Variants in ELAVL2 observed in about 807,000 individuals in gnomAD.
ELAVL2 encodes the protein ELAV like RNA binding protein 2, also known as ELAV-like protein 2.
Under a neutral mutation model 34.6 loss-of-function variants are expected in ELAVL2, and 4 were observed. That is an observed-to-expected ratio of 0.12 (90% CI 0.06 to 0.26). The LOEUF (loss-of-function observed/expected upper bound fraction) is 0.26, where lower values mean the gene tolerates loss of function less well. ELAVL2 is among the 10% of genes least tolerant of loss of function. The pLI is 1.00. For missense variants in ELAVL2, 432 were observed against 442.8 expected, an observed-to-expected ratio of 0.98 and a Z score of 0.22; for synonymous variants, 193 against 154.8, an observed-to-expected ratio of 1.25 and a Z score of -1.83.
chr9:23,779,124 A>C, intron 1 of ELAVL2: 1 of 927,876 alleles, frequency 1.1e-6, no homozygotes, highest in Non-Finnish European at 1.3e-6. Context: ...ATTAACATTA[A>C]ATTTCCAGGT....
At chr9:23,771,175 G>A (rs535109267) in intron 1 of ELAVL2, among the ~76,000 whole-genome samples, 6 of 152,324 alleles carry the variant, frequency 3.9e-5, no homozygotes, top group Admixed American at 1.3e-4. Context: ...CCACCAGGGT[G>A]AAGTTGGGGA....
intron 2 of ELAVL2, among the ~76,000 whole-genome samples, chr9:23,744,142 G>T (rs919987417): frequency 6.6e-6 from 1 of 152,108 alleles, no homozygotes; most frequent in Admixed American, 6.6e-5. Flanking sequence ...CTCATCTGTG[G>T]GAAAAGAAAC....
chr9:23,781,067 T>C (rs961731683), intron 1 of ELAVL2, among the ~76,000 whole-genome samples: 2 of 152,254 alleles, frequency 1.3e-5, no homozygotes, highest in African/African-American at 4.8e-5. Context: ...AAGTTTGTTA[T>C]GTTCATAACT....
In ELAVL2 at chr9:23,694,769, T is replaced by C. The variant is rs1262150338; in HGVS notation, c.714-1283A>G. Among the ~76,000 whole-genome samples the C allele has an allele frequency of 2.6e-5, 4 of 152,150 alleles. No homozygotes were observed. The East Asian group carries it at 7.7e-4, about 29-fold the overall frequency. On this transcript the variant is annotated intron_variant, in intron 5 of 6. Coordinates refer to ENST00000397312, the MANE Select transcript of ELAVL2 (RefSeq NM_004432.5). ...CTCAGTCTCCACTGAAAATTCTGTTTTGTAAAGATGAGAAGAACTGAGCTT... is the reference window on the plus strand; with the variant it reads ...CTCAGTCTCCACTGAAAATTCTGTTCTGTAAAGATGAGAAGAACTGAGCTT...
At chr9:23,731,252 T>C in intron 2 of ELAVL2, 127 bp from the exon 3 acceptor site, 1 of 668,104 alleles carries the variant, frequency 1.5e-6, no homozygotes, top group Non-Finnish European at 2.3e-6. Context: ...AAGAACTCTC[T>C]ATTAATTCTA....
rs1407168754 is a variant in ELAVL2, at chr9:23,691,456, G to C, written c.*1101C>G. On this transcript the variant is annotated 3_prime_UTR_variant, in exon 7 of 7. Coordinates refer to ENST00000397312, the MANE Select transcript of ELAVL2 (RefSeq NM_004432.5). ...ACAAAACAATTCTTCAAACAATACT[G>C]CAAGTACATCACTAAACACCATGAG... The C allele has an allele frequency of 1.3e-5, 2 of 152,328 alleles. No homozygotes were observed. Among genetic ancestry groups the C allele is most frequent in the East Asian group, 3.9e-4 (2 of 5,182 alleles). 9.4% of individuals were successfully genotyped at this position (152,328 alleles called of 1,614,324 possible).
At chr9:23,747,806 C>A (rs193208781) in intron 2 of ELAVL2, among the ~76,000 whole-genome samples, 1 of 152,130 alleles carries the variant, frequency 6.6e-6, no homozygotes, top group South Asian at 2.1e-4. Context: ...CAATAGCCAA[C>A]GTCTGAAAAT....
In ELAVL2 at chr9:23,701,390, T is replaced by C; in HGVS notation, c.702A>G (p.Ala234=). ...CAAACCAGACTTACCTAAAACGCTG[T>C]GCCTGCTGAGCTAGCGGTCCTGGAT... ...RRYPGPLAQQ[A]QRFRLDNLLN... Residue 234 remains alanine (A), a synonymous_variant, in exon 5 of 7, where the codon GCA becomes GCG. Transcript: ENST00000397312. 1 of 1,614,078 alleles carries C rather than the reference T, an allele frequency of 6.2e-7. No individual in the cohort carries two copies. The highest frequency in any genetic ancestry group is 1.3e-5 in the African/African-American group (1 of 75,046).
At chr9:23,747,634 C>G (rs1182544250) in intron 2 of ELAVL2, among the ~76,000 whole-genome samples, 2 of 152,130 alleles carry the variant, frequency 1.3e-5, no homozygotes, top group Non-Finnish European at 2.9e-5. Context: ...TTTGGAAACT[C>G]CCTACAAACA....
chr9:23,770,376 C>T (rs1394831102), intron 1 of ELAVL2, among the ~76,000 whole-genome samples: 1 of 152,116 alleles, frequency 6.6e-6, no homozygotes, highest in Non-Finnish European at 1.5e-5. Context: ...ATCCCCTTCC[C>T]CTCAATGTCT....
chr9:23,759,397 G>C (rs546049838), intron 2 of ELAVL2, among the ~76,000 whole-genome samples: 3 of 152,006 alleles, frequency 2.0e-5, no homozygotes, highest in African/African-American at 7.2e-5. Context: ...GTACCAGAGG[G>C]TGGAGAAGAG....
At chr9:23,716,057 T>C (rs2042216001) in intron 3 of ELAVL2, among the ~76,000 whole-genome samples, 1 of 151,872 alleles carries the variant, frequency 6.6e-6, no homozygotes, top group Non-Finnish European at 1.5e-5. Context: ...ACGGGATACC[T>C]TTACTTAAAT....
chr9:23,769,446 A>G (rs1043337199), intron 1 of ELAVL2, among the ~76,000 whole-genome samples: 10 of 152,168 alleles, frequency 6.6e-5, no homozygotes, highest in Admixed American at 4.6e-4. Context: ...TTGTGGTTTC[A>G]CTTAATTAAG....
the ELAVL2 span, chr9:23,847,138 T>C: frequency 2.6e-5 from 4 of 152,152 alleles, no homozygotes; most frequent in Admixed American, 1.3e-4. Context: ...TTAACTTCTT[T>C]GAGATTTTAG....
Position 23,701,623 on chromosome 9 carries a change from A to C in ELAVL2, c.488-19T>G. 6.2e-7 allele frequency: 1 copy of C among 1,609,466 alleles called. No individual in the cohort carries two copies. The highest frequency in any genetic ancestry group is 8.5e-7 in the Non-Finnish European group (1 of 1,176,478). ...GATATGCCTATGGTAGATTTGAGTA[A>C]AGATTTGGAAAAGAGGGAACAGAAG... On this transcript the variant is annotated intron_variant, in intron 4 of 6. Coordinates refer to ENST00000397312, the MANE Select transcript of ELAVL2 (RefSeq NM_004432.5).
intron 2 of ELAVL2, 151 bp downstream of exon 2, chr9:23,761,855 C>G: frequency 8.8e-7 from 1 of 1,132,088 alleles, no homozygotes; most frequent in South Asian, 1.9e-5. Flanking sequence ...AAATTTTAAA[C>G]TAAGTTTCAT....
At chr9:23,704,342 T>C (rs1034102740) in intron 4 of ELAVL2, among the ~76,000 whole-genome samples, 1 of 152,188 alleles carries the variant, frequency 6.6e-6, no homozygotes, top group Non-Finnish European at 1.5e-5. Flanking sequence ...ACAACTCCCT[T>C]ACATTCAAGA....
chr9:23,762,154 T>C lies in ELAVL2; in HGVS notation c.81A>G (p.Ser27=), dbSNP rs1423102047. Residue 27 remains serine, a synonymous_variant, in exon 2 of 7, where the codon TCA becomes TCG. Transcript: ENST00000397312. ...CTTCTGTGTTCCCAGAGTCAACTGG[T>C]GACGAACAGTTGTTGTTTATGGTGG... The part of the protein sequence containing the change: ...GPTTINNNCS[S]PVDSGNTEDS... 3.1e-6 allele frequency: 5 copies of C among 1,613,566 alleles called. No homozygotes were observed. Among genetic ancestry groups the C allele is most frequent in the Non-Finnish European group, 4.2e-6 (5 of 1,179,660 alleles).
At chr9:23,744,647 G>A (rs996459131) in intron 2 of ELAVL2, among the ~76,000 whole-genome samples, 1 of 151,804 alleles carries the variant, frequency 6.6e-6, no homozygotes, top group Non-Finnish European at 1.5e-5. Context: ...TCAAGCAAGA[G>A]TACTTTCTAG....
Sources: gnomAD v4.1 joint callset for allele counts (sites outside exome capture counted in the v4.1 genomes callset) on GRCh38, gnomAD v4.1.1 for gene constraint, MANE v1.5 for transcripts, NCBI Gene and HGNC (gene_info 2026-07-23, HGNC 2026-07-21) for gene names.